Variants in LRRC37A3 observed in about 807,000 individuals in gnomAD.
The protein encoded by LRRC37A3 is leucine-rich repeat-containing protein 37A3.
Under a neutral mutation model 106.2 loss-of-function variants are expected in LRRC37A3, and 25 were observed. That is an observed-to-expected ratio of 0.24 (90% confidence interval 0.17 to 0.33). LRRC37A3 has a LOEUF of 0.33. LRRC37A3 is among the 10% of genes least tolerant of loss of function. The pLI, the probability that LRRC37A3 is intolerant of heterozygous loss-of-function variation, is 1.00. For missense variants in LRRC37A3, 712 were observed against 1,644.9 expected (o/e 0.43, Z 9.81); for synonymous variants, 305 against 635.8 (o/e 0.48, Z 7.83).
intron 13 of LRRC37A3, among the ~76,000 whole-genome samples, chr17:64,856,176 G>T (rs577747264): frequency 6.6e-6 from 1 of 151,924 alleles, no homozygotes; most frequent in Non-Finnish European, 1.5e-5. Context: ...TAACCAACAC[G>T]CATCCCCCCT....
chr17:64,864,721 T>C (rs1972998049), intron 10 of LRRC37A3, among the ~76,000 whole-genome samples: 1 of 151,860 alleles, frequency 6.6e-6, no homozygotes, highest in African/African-American at 2.4e-5. Context: ...CTTGTCATTA[T>C]AATAGTACCT....
intron 2 of LRRC37A3, among the ~76,000 whole-genome samples, chr17:64,913,567 T>A (rs1455378193): frequency 6.7e-6 from 1 of 148,584 alleles, no homozygotes; most frequent in East Asian, 2.0e-4. Context: ...CTCGAACTCC[T>A]GACCTCAGGT....
intron 14 of LRRC37A3, among the ~76,000 whole-genome samples, chr17:64,854,851 C>T (rs1305503671): frequency 6.6e-6 from 1 of 152,196 alleles, no homozygotes; most frequent in Admixed American, 6.5e-5. Flanking sequence ...TTGTACATAT[C>T]TTTAAGCCAG....
chr17:64,903,729 C>A, intron 2 of LRRC37A3, among the ~76,000 whole-genome samples: 1 of 152,194 alleles, frequency 6.6e-6, no homozygotes, highest in Non-Finnish European at 1.5e-5. Flanking sequence ...GACTTCAAAC[C>A]CTAAGCCTGA....
intron 2 of LRRC37A3, among the ~76,000 whole-genome samples, chr17:64,912,298 G>GA (rs1974606330): frequency 1.3e-5 from 1 of 75,614 alleles, no homozygotes; most frequent in Non-Finnish European, 2.7e-5. Flanking sequence ...AATATACACT[G>GA]AAAGTATAGA....
intron 8 of LRRC37A3, among the ~76,000 whole-genome samples, chr17:64,876,564 A>C (rs1444049122): frequency 6.6e-6 from 1 of 152,362 alleles, no homozygotes; most frequent in African/African-American, 2.4e-5. Context: ...AAGGATTATA[A>C]TATGAATAAA....
intron 1 of LRRC37A3, among the ~76,000 whole-genome samples, chr17:64,919,229 C>T (rs1974775664): frequency 6.6e-6 from 1 of 151,936 alleles, no homozygotes; most frequent in Non-Finnish European, 1.5e-5. Context: ...CCGCGGGCTG[C>T]TTGGTCGGCC....
intron 11 of LRRC37A3, among the ~76,000 whole-genome samples, chr17:64,862,622 C>G (rs1282144273): frequency 1.3e-5 from 2 of 151,940 alleles, no homozygotes; most frequent in South Asian, 4.2e-4. Context: ...GCACAGTATA[C>G]AGTGTGTGGA....
intron 8 of LRRC37A3, chr17:64,881,239 TTTC>T (rs1973692856): frequency 1.4e-6 from 1 of 699,406 alleles, no homozygotes; most frequent in Admixed American, 2.0e-5. Flanking sequence ...TTTCTTTTCT[TTTC>T]TTTTCTTTTC....
In LRRC37A3 at chr17:64,860,456, G is replaced by A. The variant is rs367746874; in HGVS notation, c.3690C>T (p.Ala1230=). 2.1e-5 allele frequency: 34 copies of A among 1,613,462 alleles called. No homozygotes were observed. The highest frequency in any genetic ancestry group is 1.7e-4 in the Middle Eastern group (1 of 5,970). Reference sequence around the variant, plus strand: ...GGGTGAACGAAGGCTTGGTGTAGACGGCGTTTCCCGCTAACTTCTCAGGCC... The same window carrying A: ...GGGTGAACGAAGGCTTGGTGTAGACAGCGTTTCCCGCTAACTTCTCAGGCC... ...QQGPEKLAGN[A]VYTKPSFTQE... Residue 1230 remains alanine, a synonymous_variant, in exon 12 of 15, where the codon GCC becomes GCT. Transcript: ENST00000584306.
chr17:64,892,292 AGG>A (rs1973970959), intron 5 of LRRC37A3, among the ~76,000 whole-genome samples: 1 of 48,410 alleles, frequency 2.1e-5, no homozygotes, highest in Non-Finnish European at 3.3e-5. Context: ...GAGAACAAAA[AGG>A]AATATAACCA....
Position 64,859,624 on chromosome 17 carries a change from C to T in LRRC37A3, c.4522G>A (p.Ala1508Thr). 1.2e-6 allele frequency: 2 copies of T among 1,613,314 alleles called. No homozygotes were observed. The highest frequency in any genetic ancestry group is 1.7e-6 in the Non-Finnish European group (2 of 1,179,912). Residue 1508 changes from alanine (A) to threonine (T), a missense_variant, in exon 12 of 15, where the codon GCC (alanine) becomes ACC (threonine). Coordinates refer to ENST00000584306, the MANE Select transcript of LRRC37A3 (RefSeq NM_199340.5). ...TTGGCACAGGTCACTTGCACATGGG[C>T]CCCAGAGCAGTCCATCTTCAAGGTC... The part of the protein sequence containing the change: ...IRTLKMDCSG[A>T]HVQVTCAKLV...
At chr17:64,859,103 T>A (rs936574077) in intron 12 of LRRC37A3, among the ~76,000 whole-genome samples, 1 of 152,026 alleles carries the variant, frequency 6.6e-6, no homozygotes, top group Non-Finnish European at 1.5e-5. Context: ...CAGGCACGTG[T>A]CATCAACCCA....
At chr17:64,862,594 C>A (rs1271537279) in intron 11 of LRRC37A3, among the ~76,000 whole-genome samples, 2 of 151,872 alleles carry the variant, frequency 1.3e-5, no homozygotes, top group Non-Finnish European at 2.9e-5. Flanking sequence ...TCACTGTGGG[C>A]AAAGCATCAA....
chr17:64,861,059 G>A lies in LRRC37A3; in HGVS notation c.3173-86C>T. On this transcript the variant is annotated intron_variant, in intron 11 of 14. Coordinates refer to ENST00000584306, the MANE Select transcript of LRRC37A3 (RefSeq NM_199340.5). ...CATAGCTGTACACTCCAGTCACACA[G>A]AGTAGGAGTCAGCAAACATTCGAGT... The A allele has an allele frequency of 4.4e-6, 7 of 1,603,156 alleles. No homozygotes were observed. The South Asian group carries it at 4.4e-5, about 10-fold the overall frequency.
At chr17:64,910,031 A>G (rs980783931) in intron 2 of LRRC37A3, 1 of 152,050 alleles carries the variant, frequency 6.6e-6, no homozygotes, top group Non-Finnish European at 1.5e-5. Flanking sequence ...TCTGTAATAC[A>G]AGAAGGATCT....
At chr17:64,864,007 T>C (rs1476603509) in intron 10 of LRRC37A3, among the ~76,000 whole-genome samples, 1 of 150,776 alleles carries the variant, frequency 6.6e-6, no homozygotes, top group Non-Finnish European at 1.5e-5. Flanking sequence ...TTTTGTATTT[T>C]CAGTAGTGAC....
rs1305702496 is a variant in LRRC37A3 at position 64,866,801 on chromosome 17, T to TATATATA, written c.3053+1660_3053+1661insTATATAT. 5.8e-3 allele frequency among the ~76,000 whole-genome samples: 717 copies of TATATATA among 124,608 alleles called. 6 individuals carry two copies. The highest frequency in any genetic ancestry group is 0.022 in the African/African-American group (684 of 31,546). 81.7% of individuals were successfully genotyped at this position (124,608 alleles called of 152,430 possible). A position where few individuals can be genotyped will look rare whatever the true frequency, so the allele number is the denominator to read the frequency against. On this transcript the variant is annotated intron_variant, in intron 10 of 14. Transcript: ENST00000584306. ...GTGTGCCACCACACCTGGCTGATTT[T>TATATATA]TATATATATATATATATATATATCC...
At chr17:64,906,371 GTTCT>G (rs1323013570) in intron 2 of LRRC37A3, among the ~76,000 whole-genome samples, 1 of 25,878 alleles carries the variant, frequency 3.9e-5, no homozygotes, top group South Asian at 8.5e-4. Context: ...TACATCACCA[GTTCT>G]TTCTTATGTC....
Sources: gnomAD v4.1 joint callset for allele counts (sites outside exome capture counted in the v4.1 genomes callset) on GRCh38, gnomAD v4.1.1 for gene constraint, MANE v1.5 for transcripts, NCBI Gene and HGNC (gene_info 2026-07-23, HGNC 2026-07-21) for gene names.